The following LRRC4C variants were observed in gnomAD, a reference collection of about 807,000 sequenced individuals.
LRRC4C encodes leucine-rich repeat-containing protein 4C.
LRRC4C carries 5 observed loss-of-function variants against 33.6 expected under a neutral mutation model. That is an observed-to-expected ratio of 0.15 (90% CI 0.08 to 0.31). The LOEUF (loss-of-function observed/expected upper bound fraction) is 0.31, where lower values mean the gene tolerates loss of function less well. LRRC4C is among the 10% of genes least tolerant of loss of function. The pLI, the probability that LRRC4C is intolerant of heterozygous loss-of-function variation, is 1.00. For missense variants in LRRC4C, 560 were observed against 796.7 expected, an observed-to-expected ratio of 0.70 and a Z score of 3.58; for synonymous variants, 329 against 302.0, an observed-to-expected ratio of 1.09 and a Z score of -0.93.
At chr11:41,186,464 A>C (rs1945699610) in intron 1 of LRRC4C, among the ~76,000 whole-genome samples, 1 of 152,230 alleles carries the variant, frequency 6.6e-6, no homozygotes, top group Admixed American at 6.5e-5. Context: ...TGAAAGTGAA[A>C]GGAATTTAGA....
chr11:40,766,378 AAG>A (rs1491075432), intron 2 of LRRC4C, among the ~76,000 whole-genome samples: 17 of 148,456 alleles, frequency 1.1e-4, no homozygotes, highest in Non-Finnish European at 1.9e-4. Context: ...AAAAAAAAAA[AAG>A]AAGATAACAC....
At chr11:40,648,797 G>C (rs1438900050) in intron 2 of LRRC4C, among the ~76,000 whole-genome samples, 2 of 152,248 alleles carry the variant, frequency 1.3e-5, no homozygotes, top group Admixed American at 1.3e-4. Context: ...CAATATTTCA[G>C]CGTAGGTTCT....
At chr11:40,712,871 C>CCTTT (rs566440037) in intron 2 of LRRC4C, among the ~76,000 whole-genome samples, 129 of 150,814 alleles carry the variant, frequency 8.6e-4, no homozygotes, top group Middle Eastern at 3.4e-3. Flanking sequence ...CATATAAGTT[C>CCTTT]CTTTCTTTCT....
At chr11:41,294,637 A>T (rs1422112087) in intron 1 of LRRC4C, among the ~76,000 whole-genome samples, 1 of 152,188 alleles carries the variant, frequency 6.6e-6, no homozygotes, top group Non-Finnish European at 1.5e-5. Flanking sequence ...TTAATGTTAA[A>T]ATGTGCATAA....
At chr11:40,456,171 G>A (rs909140719) in intron 3 of LRRC4C, among the ~76,000 whole-genome samples, 1 of 152,000 alleles carries the variant, frequency 6.6e-6, no homozygotes, top group African/African-American at 2.4e-5. Context: ...GTCCTCTTTA[G>A]CTCCTCTTTA....
At chr11:40,502,072 C>T (rs1590934337) in intron 3 of LRRC4C, among the ~76,000 whole-genome samples, 3 of 152,290 alleles carry the variant, frequency 2.0e-5, no homozygotes, top group South Asian at 4.1e-4. Flanking sequence ...TGCTGCCAGT[C>T]TCCTTGCTAC....
At chr11:40,685,184 G>A (rs1459685604) in intron 2 of LRRC4C, among the ~76,000 whole-genome samples, 1 of 152,008 alleles carries the variant, frequency 6.6e-6, no homozygotes, top group Non-Finnish European at 1.5e-5. Flanking sequence ...ACTGGAATTA[G>A]TGGGAGATGC....
chr11:40,495,304 GA>G (rs1490285140), intron 3 of LRRC4C, among the ~76,000 whole-genome samples: 1 of 151,976 alleles, frequency 6.6e-6, no homozygotes, highest in Non-Finnish European at 1.5e-5. Context: ...CCCCCCGCCA[GA>G]AAAAAATTAA....
chr11:40,667,470 G>GA (rs1565617230), intron 2 of LRRC4C, among the ~76,000 whole-genome samples: 1 of 152,176 alleles, frequency 6.6e-6, no homozygotes, highest in Non-Finnish European at 1.5e-5. Context: ...ATGTAGGAGA[G>GA]AATCTGCAAC....
rs34328057 is a variant in LRRC4C, at chr11:41,215,014, GTATATATATA to G, written c.-496+244407_-496+244416del. 1.4e-3 allele frequency among the ~76,000 whole-genome samples: 182 copies of G among 131,080 alleles called. 1 individual carries two copies. Among genetic ancestry groups the G allele is most frequent in the African/African-American group, 4.9e-3 (171 of 34,586 alleles). 86.0% of individuals were successfully genotyped at this position (131,080 alleles called of 152,430 possible). A position where few individuals can be genotyped will look rare whatever the true frequency, so the allele number is the denominator to read the frequency against. On this transcript the variant is annotated intron_variant, in intron 1 of 6. Transcript: ENST00000528697. ...TTCTCAATTTCTATTTTTTATTCAT[GTATATATATA>G]TATATATATATATATCACATTTTGT...
At chr11:40,272,040 T>G (rs541783464) in intron 4 of LRRC4C, among the ~76,000 whole-genome samples, 4 of 152,258 alleles carry the variant, frequency 2.6e-5, no homozygotes, top group African/African-American at 9.6e-5. Flanking sequence ...AATCCATATC[T>G]GCACATTACA....
In LRRC4C at chr11:40,414,768, T is replaced by C. The variant is rs140008994; in HGVS notation, c.-269-95047A>G. Among the ~76,000 whole-genome samples the C allele has an allele frequency of 3.5e-4, 53 of 152,230 alleles. No homozygotes were observed. The East Asian group carries it at 9.3e-3, about 27-fold the overall frequency. On this transcript the variant is annotated intron_variant, in intron 3 of 6. Coordinates refer to ENST00000528697, the MANE Select transcript of LRRC4C (RefSeq NM_001258419.2). ...TCTTTCTTTAAGCATCTAATTCATG[T>C]ATTCCTTAACATGCACAGACACAAC...
At chr11:40,567,102 T>G (rs771591533) in intron 3 of LRRC4C, among the ~76,000 whole-genome samples, 18 of 152,166 alleles carry the variant, frequency 1.2e-4, no homozygotes, top group Non-Finnish European at 2.5e-4. Context: ...ATTGAGTGTG[T>G]ATTATGTGGA....
chr11:41,038,620 AC>A (rs1455743583), intron 1 of LRRC4C, among the ~76,000 whole-genome samples: 2 of 152,252 alleles, frequency 1.3e-5, no homozygotes, highest in East Asian at 1.9e-4. Context: ...ATTTAAGGAA[AC>A]CGTTGGCAAT....
In LRRC4C at chr11:40,570,385, A is replaced by G. The variant is rs34615310; in HGVS notation, c.-270+77757T>C. 6.1e-3 allele frequency among the ~76,000 whole-genome samples: 932 copies of G among 152,276 alleles called. 9 individuals are homozygous for G. The highest frequency in any genetic ancestry group is 9.2e-3 in the Non-Finnish European group (623 of 68,018). On this transcript the variant is annotated intron_variant, in intron 3 of 6. Transcript: ENST00000528697. ...GCCCAATACAAAGCCAGTTTGGTAT[A>G]GAAAACTGTCATTGTGCTGGGCAAC...
At chr11:41,065,532 G>C (rs1938165615) in intron 1 of LRRC4C, among the ~76,000 whole-genome samples, 2 of 152,074 alleles carry the variant, frequency 1.3e-5, no homozygotes, top group African/African-American at 4.8e-5. Context: ...TCCTGACAAG[G>C]GGCATTCTCC....
chr11:40,372,844 T>C (rs1368461935), intron 3 of LRRC4C, among the ~76,000 whole-genome samples: 1 of 152,166 alleles, frequency 6.6e-6, no homozygotes, highest in Non-Finnish European at 1.5e-5. Flanking sequence ...TATCTGGCCC[T>C]GATACGACTG....
intron 1 of LRRC4C, among the ~76,000 whole-genome samples, chr11:41,249,531 T>A (rs1228983767): frequency 6.6e-6 from 1 of 152,164 alleles, no homozygotes; most frequent in African/African-American, 2.4e-5. Context: ...TACCATGACT[T>A]ATAGCATCCT....
Position 40,229,836 on chromosome 11 carries a change from T to C in LRRC4C, c.-96+11683A>G, listed in dbSNP as rs2135996454. On this transcript the variant is annotated intron_variant, in intron 5 of 6. Coordinates refer to ENST00000528697, the MANE Select transcript of LRRC4C (RefSeq NM_001258419.2). ...CAGATAGTTTTGCACCTTACACTTA[T>C]AAGTTAATAAATGACTCTTCAAAGA... 1.3e-5 allele frequency among the ~76,000 whole-genome samples: 2 copies of C among 152,300 alleles called. 1 individual carries two copies. The highest frequency in any genetic ancestry group is 6.8e-3 in the Middle Eastern group (2 of 294).
Sources: gnomAD v4.1 joint callset for allele counts (sites outside exome capture counted in the v4.1 genomes callset) on GRCh38, gnomAD v4.1.1 for gene constraint, MANE v1.5 for transcripts, NCBI Gene and HGNC (gene_info 2026-07-23, HGNC 2026-07-21) for gene names.